Variants in USP4 observed in about 807,000 individuals in gnomAD.
The protein encoded by USP4 is ubiquitin carboxyl-terminal hydrolase 4.
USP4 carries 72 observed loss-of-function variants against 118.2 expected under a neutral mutation model. The ratio of observed to expected loss-of-function variants is 0.61; its 90% CI spans 0.50 to 0.74. USP4 has a LOEUF of 0.74. Among genes scored for constraint, USP4 ranks in the 30% least tolerant of loss-of-function variants. The pLI is 0.00. For synonymous variants in USP4, 415 were observed against 440.4 expected (o/e 0.94, Z 0.72); for missense variants, 1,037 against 1,185.7 (o/e 0.87, Z 1.84).
chr3:49,282,760 T>G (rs1029387498), intron 19 of USP4, among the ~76,000 whole-genome samples: 11 of 151,610 alleles, frequency 7.3e-5, no homozygotes, highest in African/African-American at 2.7e-4. Context: ...GAGGCTGGAG[T>G]GCAGTGGCAC....
intron 13 of USP4, among the ~76,000 whole-genome samples, chr3:49,296,635 C>T (rs1376902635): frequency 2.0e-5 from 3 of 152,080 alleles, no homozygotes; most frequent in Admixed American, 6.6e-5. Flanking sequence ...GGAGACAGAG[C>T]GAGACTCCGT....
intron 2 of USP4, among the ~76,000 whole-genome samples, chr3:49,329,814 A>G (rs1484782630): frequency 6.6e-6 from 1 of 152,196 alleles, no homozygotes; most frequent in Non-Finnish European, 1.5e-5. Context: ...ATAAAGTCTT[A>G]TAAAATGTAT....
intron 15 of USP4, among the ~76,000 whole-genome samples, chr3:49,287,801 T>G (rs1473592977): frequency 6.6e-6 from 1 of 152,008 alleles, no homozygotes; most frequent in Non-Finnish European, 1.5e-5. Context: ...AACACAAATA[T>G]TAAGTATTCC....
At chr3:49,282,463 G>A (rs927575949) in intron 19 of USP4, among the ~76,000 whole-genome samples, 1 of 151,888 alleles carries the variant, frequency 6.6e-6, no homozygotes, top group Admixed American at 6.6e-5. Context: ...ACTTTTAGTA[G>A]AGATGGGGTT....
chr3:49,319,110 C>T (rs1426961097), intron 6 of USP4, among the ~76,000 whole-genome samples: 1 of 150,818 alleles, frequency 6.6e-6, no homozygotes, highest in Non-Finnish European at 1.5e-5. Context: ...CCACTGCACT[C>T]CTGCTTGGGT....
chr3:49,316,000 C>T (rs971125342), intron 6 of USP4, among the ~76,000 whole-genome samples: 3 of 151,970 alleles, frequency 2.0e-5, no homozygotes, highest in South Asian at 4.2e-4. Flanking sequence ...GGTTGGGAGT[C>T]CGAGACCAGT....
At chr3:49,318,970 T>C (rs2047471121) in intron 6 of USP4, among the ~76,000 whole-genome samples, 1 of 150,050 alleles carries the variant, frequency 6.7e-6, no homozygotes, top group Non-Finnish European at 1.5e-5. Flanking sequence ...ATGGAAACAT[T>C]TACTATCCTC....
At chr3:49,327,847 G>C (rs146143821) in intron 2 of USP4, 31 bp from the exon 3 acceptor site, 2 of 1,594,916 alleles carry the variant, frequency 1.3e-6, no homozygotes, top group Middle Eastern at 1.7e-4. Flanking sequence ...ATAAGTCACT[G>C]CTCTTTACCC....
intron 19 of USP4, among the ~76,000 whole-genome samples, chr3:49,281,487 T>TACACACACACAC (rs1214724342): frequency 8.8e-6 from 1 of 113,356 alleles, no homozygotes; most frequent in Non-Finnish European, 1.8e-5. Flanking sequence ...TATATATATA[T>TACACACACACAC]ATATACACAC....
intron 15 of USP4, among the ~76,000 whole-genome samples, chr3:49,289,189 A>G (rs1421560842): frequency 1.3e-5 from 2 of 152,192 alleles, no homozygotes; most frequent in East Asian, 3.9e-4. Flanking sequence ...AAAAGGTGAC[A>G]CTCATTGTCC....
At chr3:49,305,956 G>A (rs1159251929) in intron 8 of USP4, 68 bp from the exon 9 acceptor site, 2 of 1,446,214 alleles carry the variant, frequency 1.4e-6, no homozygotes, top group East Asian at 4.9e-5. Flanking sequence ...GATAAATCAA[G>A]TTCTAAAGGG....
chr3:49,281,497 C>CACACACACACACACAT (rs2047027291), intron 19 of USP4, among the ~76,000 whole-genome samples: 1 of 131,770 alleles, frequency 7.6e-6, no homozygotes, highest in Non-Finnish European at 1.6e-5. Context: ...TATATACACA[C>CACACACACACACACAT]ACACACACAC....
At chr3:49,284,241 T>C (rs1225916652) in intron 18 of USP4, 105 bp from the exon 19 acceptor site, 3 of 1,474,338 alleles carry the variant, frequency 2.0e-6, no homozygotes, top group African/African-American at 1.4e-5. Context: ...TGCCATCCTC[T>C]CGGTCAGCAC....
chr3:49,319,352 G>C (rs551792528), intron 6 of USP4, among the ~76,000 whole-genome samples: 107 of 151,298 alleles, frequency 7.1e-4, no homozygotes, highest in African/African-American at 2.5e-3. Context: ...GGGTTCAAGA[G>C]ATTCTCCTGC....
intron 15 of USP4, among the ~76,000 whole-genome samples, chr3:49,289,024 T>C (rs927451885): frequency 1.3e-5 from 2 of 151,968 alleles, no homozygotes; most frequent in Non-Finnish European, 2.9e-5. Context: ...GGTGGGAGGA[T>C]TGCTTGAACC....
chr3:49,319,655 G>A (rs886178874), intron 6 of USP4, among the ~76,000 whole-genome samples: 6 of 148,850 alleles, frequency 4.0e-5, no homozygotes, highest in Admixed American at 2.0e-4. Context: ...GCTCTGTCAC[G>A]CAGGCTGGAG....
intron 6 of USP4, chr3:49,312,649 A>T (rs776378990): frequency 2.4e-4 from 87 of 362,796 alleles, no homozygotes; most frequent in South Asian, 4.4e-4. Context: ...GAAATTAGCC[A>T]GGCATGGCAG....
intron 2 of USP4, 53 bp downstream of exon 2, chr3:49,335,416 A>G: frequency 6.2e-7 from 1 of 1,612,798 alleles, no homozygotes; most frequent in Non-Finnish European, 8.5e-7. Context: ...TGCACATAAC[A>G]TCAGGCCACT....
chr3:49,311,064 C>T (rs912739216), intron 7 of USP4, among the ~76,000 whole-genome samples: 5 of 152,236 alleles, frequency 3.3e-5, no homozygotes, highest in Non-Finnish European at 7.3e-5. Flanking sequence ...CCAGGCCACA[C>T]CCAGGCTTGA....
Sources: gnomAD v4.1 joint callset for allele counts (sites outside exome capture counted in the v4.1 genomes callset) on GRCh38, gnomAD v4.1.1 for gene constraint, MANE v1.5 for transcripts, NCBI Gene and HGNC (gene_info 2026-07-23, HGNC 2026-07-21) for gene names.